NRG1: variants seen among roughly 807,000 people sequenced by gnomAD.
NRG1 encodes the protein neuregulin 1.
In NRG1, 18 loss-of-function variants were observed where a neutral mutation model predicts 63.8. That is an observed-to-expected ratio of 0.28 (90% CI 0.19 to 0.42). NRG1 has a LOEUF of 0.42. Among genes scored for constraint, NRG1 ranks in the 10% least tolerant of loss-of-function variants. The pLI, the probability that NRG1 is intolerant of heterozygous loss-of-function variation, is 1.00. For synonymous variants in NRG1, 302 were observed against 301.3 expected, an observed-to-expected ratio of 1.00 and a Z score of -0.02; for missense variants, 762 against 814.7, an observed-to-expected ratio of 0.94 and a Z score of 0.79.
chr8:31,656,142 T>C (rs1805412555), intron 1 of NRG1, among the ~76,000 whole-genome samples: 1 of 150,782 alleles, frequency 6.6e-6, no homozygotes, highest in Non-Finnish European at 1.5e-5. Context: ...GGTGGGAGAG[T>C]GTAAGGAAAA....
intron 1 of NRG1, among the ~76,000 whole-genome samples, chr8:32,397,818 G>A (rs1291120550): frequency 3.3e-5 from 5 of 152,158 alleles, no homozygotes; most frequent in African/African-American, 7.2e-5. Context: ...TTACATGAAA[G>A]CAAGTTGACA....
At chr8:32,767,689 A>C (rs150896150) in exon 12 of NRG1, 7 of 152,280 alleles carry the variant, frequency 4.6e-5, no homozygotes, top group Admixed American at 2.0e-4. Context: ...GTTTAAGATA[A>C]ATGTCAAAAA....
chr8:32,422,295 G>C (rs1040986686), intron 1 of NRG1, among the ~76,000 whole-genome samples: 3 of 152,048 alleles, frequency 2.0e-5, no homozygotes, highest in Non-Finnish European at 2.9e-5. Context: ...AAACATATTA[G>C]TTTATAACTT....
chr8:32,299,775 C>T (rs184394286), intron 1 of NRG1, among the ~76,000 whole-genome samples: 2 of 152,238 alleles, frequency 1.3e-5, no homozygotes, highest in East Asian at 1.9e-4. Context: ...CACCAGATCT[C>T]GTGATACTTA....
chr8:32,214,679 G>T (rs1385302800), intron 1 of NRG1, among the ~76,000 whole-genome samples: 1 of 144,322 alleles, frequency 6.9e-6, no homozygotes, highest in South Asian at 2.2e-4. Context: ...GAGAGAGAGA[G>T]AATTCTTTTT....
At chr8:31,765,491 C>G (rs1817970312) in intron 1 of NRG1, among the ~76,000 whole-genome samples, 1 of 152,204 alleles carries the variant, frequency 6.6e-6, no homozygotes, top group South Asian at 2.1e-4. Flanking sequence ...CTTCATCAAA[C>G]TGAAGTTCTC....
intron 1 of NRG1, among the ~76,000 whole-genome samples, chr8:31,742,465 T>C: frequency 7.1e-6 from 1 of 140,982 alleles, no homozygotes; most frequent in South Asian, 2.2e-4. Context: ...ATTTTTTTTT[T>C]TTTTTTTTTT....
chr8:32,559,083 G>GAA (rs35947086), intron 1 of NRG1, among the ~76,000 whole-genome samples: 11,866 of 86,548 alleles, frequency 0.14, 659 homozygotes, highest in South Asian at 0.17. Flanking sequence ...TTGTCTCAGC[G>GAA]AAAAAAAAAA....
At chr8:32,449,027 G>A (rs1314641362) in intron 1 of NRG1, among the ~76,000 whole-genome samples, 2 of 152,146 alleles carry the variant, frequency 1.3e-5, no homozygotes, top group South Asian at 2.1e-4. Context: ...GGGCATGATG[G>A]CTCACGCCTC....
At chr8:31,720,352 T>C (rs1812786163) in intron 1 of NRG1, among the ~76,000 whole-genome samples, 1 of 152,162 alleles carries the variant, frequency 6.6e-6, no homozygotes, top group African/African-American at 2.4e-5. Flanking sequence ...CTGGGGTACA[T>C]GTGCAGGATG....
chr8:31,815,437 T>C (rs1823343545), intron 1 of NRG1, among the ~76,000 whole-genome samples: 2 of 152,208 alleles, frequency 1.3e-5, no homozygotes. Context: ...TTTTTCCTTT[T>C]TAAGACTGAA....
chr8:32,235,515 A>G (rs1364949370), intron 1 of NRG1, among the ~76,000 whole-genome samples: 1 of 152,298 alleles, frequency 6.6e-6, no homozygotes, highest in Admixed American at 6.5e-5. Context: ...GCATCTTCTT[A>G]TAAAAAAATA....
chr8:31,821,978 C>T (rs558145394), intron 1 of NRG1, among the ~76,000 whole-genome samples: 2 of 152,172 alleles, frequency 1.3e-5, no homozygotes, highest in Non-Finnish European at 2.9e-5. Context: ...TTTCTTTATA[C>T]ATACACAATA....
chr8:32,625,199 C>A (rs1563795029), intron 5 of NRG1, among the ~76,000 whole-genome samples: 1 of 152,166 alleles, frequency 6.6e-6, no homozygotes, highest in Non-Finnish European at 1.5e-5. Flanking sequence ...TAATAACTTG[C>A]TGTGTATACA....
intron 1 of NRG1, among the ~76,000 whole-genome samples, chr8:32,343,611 G>A (rs562789443): frequency 1.4e-4 from 21 of 152,278 alleles, no homozygotes; most frequent in South Asian, 4.1e-4. Context: ...ATGTCAGCTC[G>A]AAGTAAAAGG....
chr8:32,574,256 G>A (rs117997315), intron 1 of NRG1, among the ~76,000 whole-genome samples: 2,168 of 152,152 alleles, frequency 0.014, 23 homozygotes, highest in Middle Eastern at 0.044. Flanking sequence ...ATTCCAAGTG[G>A]GTGAGACATT....
chr8:32,619,229 A>T (rs2129542215), intron 5 of NRG1, among the ~76,000 whole-genome samples: 1 of 152,196 alleles, frequency 6.6e-6, no homozygotes, highest in African/African-American at 2.4e-5. Flanking sequence ...AAACAATCAA[A>T]CAAACAAACA....
rs536745125 is a variant in NRG1, at chr8:32,364,909, T to G, written c.38-230919T>G. On this transcript the variant is annotated intron_variant, in intron 1 of 10. Transcript: ENST00000519301. The stretch of plus-strand genomic sequence containing the variant: ...AGTATTGCTTTTAATGTGACTAATT[T>G]TTAGCTTTTATTCATGTTTAAATGA... Among the ~76,000 whole-genome samples, 4 of 152,178 alleles carry G rather than the reference T, an allele frequency of 2.6e-5. No individual in the cohort carries two copies. In the East Asian group the frequency reaches 5.8e-4, roughly 22 times the overall value.
At chr8:31,899,771 C>G (rs1304592039) in intron 1 of NRG1, among the ~76,000 whole-genome samples, 1 of 152,120 alleles carries the variant, frequency 6.6e-6, no homozygotes, top group Non-Finnish European at 1.5e-5. Context: ...AACACATACA[C>G]ACACTCAATA....
Sources: gnomAD v4.1 joint callset for allele counts (sites outside exome capture counted in the v4.1 genomes callset) on GRCh38, gnomAD v4.1.1 for gene constraint, MANE v1.5 for transcripts, NCBI Gene and HGNC (gene_info 2026-07-23, HGNC 2026-07-21) for gene names.